Variants in RANBP2 observed in about 807,000 individuals in gnomAD.
RANBP2 encodes the protein E3 SUMO-protein ligase RanBP2.
Under a neutral mutation model 303.6 loss-of-function variants are expected in RANBP2, and 57 were observed. The ratio of observed to expected loss-of-function variants is 0.19; its 90% confidence interval spans 0.15 to 0.23. The LOEUF is 0.23. RANBP2 is among the 10% of genes least tolerant of loss of function. The pLI, the probability that RANBP2 is intolerant of heterozygous loss-of-function variation, is 1.00. For missense variants in RANBP2, 3,138 were observed against 3,780.8 expected (o/e 0.83, Z 4.46); for synonymous variants, 1,167 against 1,301.5 (o/e 0.90, Z 2.23).
chr2:109,306,695 G>T, the RANBP2 span, among the ~76,000 whole-genome samples: 1 of 152,226 alleles, frequency 6.6e-6, no homozygotes, highest in Non-Finnish European at 1.5e-5. Context: ...TGTTACTGAA[G>T]ACAACTCCAA....
At chr2:109,486,708 G>C in the RANBP2 span, among the ~76,000 whole-genome samples, 1 of 152,066 alleles carries the variant, frequency 6.6e-6, no homozygotes, top group Non-Finnish European at 1.5e-5. Context: ...CAGTGTGGTT[G>C]GCGCAGGATG....
chr2:109,533,274 G>T, the RANBP2 span, among the ~76,000 whole-genome samples: 2 of 152,244 alleles, frequency 1.3e-5, no homozygotes, highest in African/African-American at 4.8e-5. Context: ...GCTGGATGGA[G>T]GAACAGGCTG....
the RANBP2 span, among the ~76,000 whole-genome samples, chr2:109,622,906 T>A: frequency 6.6e-6 from 1 of 152,192 alleles, no homozygotes; most frequent in Non-Finnish European, 1.5e-5. Flanking sequence ...GGCAGGTGGA[T>A]CACCTGAGGT....
the RANBP2 span, among the ~76,000 whole-genome samples, chr2:109,368,549 AATTCTT>A: frequency 6.6e-6 from 1 of 151,960 alleles, no homozygotes; most frequent in Non-Finnish European, 1.5e-5. Context: ...ACCTTCCTCA[AATTCTT>A]ATTCTAATAT....
At chr2:109,176,806 C>T in the RANBP2 span, among the ~76,000 whole-genome samples, 2 of 152,258 alleles carry the variant, frequency 1.3e-5, no homozygotes, top group East Asian at 1.9e-4. Flanking sequence ...TAGGCTCAGC[C>T]GTGAACTTTA....
chr2:108,895,430 T>C, the RANBP2 span: 1 of 152,618 alleles, frequency 6.6e-6, no homozygotes, highest in African/African-American at 2.4e-5. Context: ...CCTGAGCTCT[T>C]GGCAGTTACA....
At chr2:108,844,356 T>C in the RANBP2 span, among the ~76,000 whole-genome samples, 33 of 152,358 alleles carry the variant, frequency 2.2e-4, no homozygotes, top group Admixed American at 3.9e-4. Flanking sequence ...CATTCTGTTA[T>C]TGAGACTGTT....
intron 1 of RANBP2, among the ~76,000 whole-genome samples, chr2:108,727,121 C>G (rs1285509307): frequency 1.3e-5 from 2 of 152,200 alleles, no homozygotes; most frequent in Non-Finnish European, 2.9e-5. Context: ...CCATTGTCAT[C>G]ATGGCCCGTT....
rs895278823 is a variant in RANBP2 at position 108,785,187 on chromosome 2, A to T, written c.*1286A>T. 3 of 152,204 alleles carry T rather than the reference A, an allele frequency of 2.0e-5. No homozygotes were observed. Among genetic ancestry groups the T allele is most frequent in the Non-Finnish European group, 4.4e-5 (3 of 68,034 alleles). 9.4% of individuals were successfully genotyped at this position (152,204 alleles called of 1,614,324 possible). ...GAAATTGGGTATCCTAAAGCAAGTA[A>T]CTGTTCAACCACCAGTCAAAAGAGG... On this transcript the variant is annotated 3_prime_UTR_variant, in exon 29 of 29. Coordinates refer to ENST00000283195, the MANE Select transcript of RANBP2 (RefSeq NM_006267.5).
the RANBP2 span, among the ~76,000 whole-genome samples, chr2:109,279,529 C>T: frequency 6.6e-6 from 1 of 152,198 alleles, no homozygotes; most frequent in Non-Finnish European, 1.5e-5. Flanking sequence ...CCCTCCATCA[C>T]CCTTGTCCTA....
At chr2:109,225,199 C>A in the RANBP2 span, among the ~76,000 whole-genome samples, 2 of 152,132 alleles carry the variant, frequency 1.3e-5, no homozygotes, top group African/African-American at 4.8e-5. Flanking sequence ...TTCTATCTTG[C>A]CCCATTCTTG....
the RANBP2 span, chr2:109,449,269 G>T: frequency 1.9e-6 from 3 of 1,611,834 alleles, no homozygotes; most frequent in Non-Finnish European, 2.5e-6. Context: ...ACCAGCCTCA[G>T]GCCCCACTCG....
the RANBP2 span, among the ~76,000 whole-genome samples, chr2:109,088,225 C>T: frequency 6.6e-6 from 1 of 151,856 alleles, no homozygotes. Flanking sequence ...GGTGAAACCT[C>T]ATCTCTACTA....
chr2:109,763,074 T>A, the RANBP2 span, among the ~76,000 whole-genome samples: 1 of 150,204 alleles, frequency 6.7e-6, no homozygotes, highest in Non-Finnish European at 1.5e-5. Flanking sequence ...TATTTTCATA[T>A]CCATTGTTTT....
the RANBP2 span, among the ~76,000 whole-genome samples, chr2:109,090,847 T>C: frequency 2.6e-5 from 4 of 152,128 alleles, no homozygotes; most frequent in Non-Finnish European, 5.9e-5. Flanking sequence ...CAAACTTATA[T>C]ATATCATTGA....
At chr2:109,351,514 T>G in the RANBP2 span, among the ~76,000 whole-genome samples, 2 of 152,150 alleles carry the variant, frequency 1.3e-5, no homozygotes, top group Non-Finnish European at 2.9e-5. Context: ...TCGGCAAGGG[T>G]TTATTGAACC....
the RANBP2 span, among the ~76,000 whole-genome samples, chr2:109,487,931 G>T: frequency 3.0e-3 from 454 of 152,358 alleles, 2 homozygotes; most frequent in African/African-American, 0.011. Flanking sequence ...TACTTCCAAA[G>T]CTTTGATTCT....
chr2:109,373,807 G>A, the RANBP2 span, among the ~76,000 whole-genome samples: 4 of 152,178 alleles, frequency 2.6e-5, no homozygotes, highest in Non-Finnish European at 4.4e-5. Context: ...TAAAGGACAG[G>A]TAAGATCTTA....
the RANBP2 span, among the ~76,000 whole-genome samples, chr2:108,958,604 C>T: frequency 6.6e-6 from 1 of 152,150 alleles, no homozygotes; most frequent in Non-Finnish European, 1.5e-5. Context: ...CGCCCTATTG[C>T]TCGGGACAGC....
Sources: allele counts gnomAD v4.1 joint callset (sites outside exome capture counted in the v4.1 genomes callset), GRCh38; gene constraint gnomAD v4.1.1; transcripts MANE v1.5; gene names NCBI Gene and HGNC (gene_info 2026-07-23, HGNC 2026-07-21).